Variants in PPDPFL observed in about 807,000 individuals in gnomAD.
The protein encoded by PPDPFL is pancreatic progenitor cell differentiation and proliferation factor like.
Under a neutral mutation model 12.6 loss-of-function variants are expected in PPDPFL, and 12 were observed. The ratio of observed to expected loss-of-function variants is 0.95; its 90% CI spans 0.61 to 1.54. The LOEUF is 1.54. PPDPFL is among the 40% of genes most tolerant of loss of function. PPDPFL has a pLI of 0.00. For synonymous variants in PPDPFL, 24 were observed against 32.7 expected (o/e 0.73, Z 0.91); for missense variants, 114 against 96.0 (o/e 1.19, Z -0.78).
chr8:49,063,498 T>C (rs1159657341), intron 1 of PPDPFL, among the ~76,000 whole-genome samples: 4 of 152,090 alleles, frequency 2.6e-5, no homozygotes, highest in Non-Finnish European at 5.9e-5. Context: ...GGCAGGTGGA[T>C]CTCCTGAGCC....
intron 1 of PPDPFL, among the ~76,000 whole-genome samples, chr8:49,060,975 C>T (rs1458289322): frequency 6.6e-6 from 1 of 151,982 alleles, no homozygotes; most frequent in African/African-American, 2.4e-5. Context: ...GTAAACTCCC[C>T]CTACATAGTC....
intron 1 of PPDPFL, among the ~76,000 whole-genome samples, chr8:49,065,697 C>G (rs377093753): frequency 6.6e-6 from 1 of 152,144 alleles, no homozygotes; most frequent in Non-Finnish European, 1.5e-5. Flanking sequence ...ATGAGGCTGC[C>G]ACATTCAAGT....
Position 49,075,148 on chromosome 8 carries a change from C to G in PPDPFL, c.234-4C>G. 6.8e-6 allele frequency: 11 copies of G among 1,613,122 alleles called. No homozygotes were observed. Among genetic ancestry groups the G allele is most frequent in the Non-Finnish European group, 9.3e-6 (11 of 1,179,372 alleles). ...CCTCTCTGACTACTATAAAATCAAC[C>G]CAGATTACAGATGAGCACTTTGTAG... On this transcript the variant is annotated splice_polypyrimidine_tract_variant and splice_region_variant and intron_variant, in intron 4 of 4. Transcript: ENST00000522267.
chr8:49,060,307 T>G (rs941922771), intron 1 of PPDPFL, among the ~76,000 whole-genome samples: 2 of 152,008 alleles, frequency 1.3e-5, no homozygotes, highest in Non-Finnish European at 2.9e-5. Context: ...TCTCTGTTTT[T>G]TGTTTGTTTG....
At chr8:49,055,762 C>G (rs754925214) in intron 1 of PPDPFL, among the ~76,000 whole-genome samples, 2 of 151,962 alleles carry the variant, frequency 1.3e-5, no homozygotes, top group Admixed American at 6.6e-5. Flanking sequence ...CCATGGCATA[C>G]AAGAAAGACA....
chr8:49,069,196 A>T (rs1157634826), upstream of PPDPFL, among the ~76,000 whole-genome samples: 1 of 152,216 alleles, frequency 6.6e-6, no homozygotes, highest in African/African-American at 2.4e-5. Context: ...AAACTTCAAA[A>T]TTCATAAAAC....
At chr8:49,060,530 C>G (rs1353991716) in intron 1 of PPDPFL, among the ~76,000 whole-genome samples, 1 of 152,124 alleles carries the variant, frequency 6.6e-6, no homozygotes, top group African/African-American at 2.4e-5. Context: ...TCAGGCTGGT[C>G]TCGAACTCCT....
At chr8:49,072,012 A>G (rs1464536115), upstream of PPDPFL, among the ~76,000 whole-genome samples, 2 of 152,210 alleles carry the variant, frequency 1.3e-5, no homozygotes, top group African/African-American at 4.8e-5. Flanking sequence ...ACACGTGCCC[A>G]GCGTGGTGCT....
chr8:49,067,395 C>T (rs1209882644), upstream of PPDPFL, among the ~76,000 whole-genome samples: 2 of 152,220 alleles, frequency 1.3e-5, no homozygotes, highest in African/African-American at 2.4e-5. Flanking sequence ...TATCATGACA[C>T]ACTTAAAATT....
chr8:49,056,306 C>T (rs1808111126), intron 1 of PPDPFL, among the ~76,000 whole-genome samples: 1 of 152,142 alleles, frequency 6.6e-6, no homozygotes, highest in African/African-American at 2.4e-5. Context: ...GAACTTTCCT[C>T]ACATTGATAT....
chr8:49,056,925 C>A (rs1808120021), intron 1 of PPDPFL, among the ~76,000 whole-genome samples: 1 of 152,118 alleles, frequency 6.6e-6, no homozygotes, highest in Admixed American at 6.5e-5. Flanking sequence ...CCATACCTTG[C>A]AAAATTTTTC....
upstream of PPDPFL, among the ~76,000 whole-genome samples, chr8:49,071,524 C>T (rs1469166357): frequency 2.0e-5 from 3 of 152,054 alleles, no homozygotes; most frequent in Non-Finnish European, 2.9e-5. Context: ...GGCATGGTAG[C>T]GCGTGCCTGT....
chr8:49,055,293 CAA>C (rs1808095770), intron 1 of PPDPFL, among the ~76,000 whole-genome samples: 1 of 152,152 alleles, frequency 6.6e-6, no homozygotes, highest in African/African-American at 2.4e-5. Context: ...TACTGTACAT[CAA>C]AGGTTTCTGC....
Position 49,072,895 on chromosome 8 carries a change from A to C in PPDPFL, c.55+10A>C, listed in dbSNP as rs1266071576. On this transcript the variant is annotated intron_variant, in intron 2 of 4. Transcript: ENST00000522267. ...AATCAGTATTATCGAAGTAAGTTGCATCATCATAGAGACGTCCCTAGATAA... is the reference window on the plus strand; with the variant it reads ...AATCAGTATTATCGAAGTAAGTTGCCTCATCATAGAGACGTCCCTAGATAA... 1.2e-6 allele frequency: 2 copies of C among 1,602,178 alleles called. No homozygotes were observed. The highest frequency in any genetic ancestry group is 2.7e-5 in the African/African-American group (2 of 74,388).
intron 4 of PPDPFL, chr8:49,074,594 T>C: frequency 6.5e-7 from 1 of 1,536,072 alleles, no homozygotes; most frequent in Non-Finnish European, 8.7e-7. Flanking sequence ...TGTGTCATTG[T>C]TTGGCGGGGG....
chr8:49,071,727 C>T (rs1585675404), upstream of PPDPFL, among the ~76,000 whole-genome samples: 3 of 152,096 alleles, frequency 2.0e-5, no homozygotes, highest in East Asian at 3.8e-4. Context: ...TAAAATTTAG[C>T]TTTTGTATCA....
intron 1 of PPDPFL, among the ~76,000 whole-genome samples, chr8:49,062,148 A>T (rs890951301): frequency 6.6e-6 from 1 of 152,202 alleles, no homozygotes; most frequent in Non-Finnish European, 1.5e-5. Flanking sequence ...AGCAGGGCTT[A>T]GCTAAATGCA....
chr8:49,065,468 C>A (rs1808279842), intron 1 of PPDPFL, among the ~76,000 whole-genome samples: 2 of 152,058 alleles, frequency 1.3e-5, no homozygotes, highest in African/African-American at 2.4e-5. Context: ...AGATGCAGGG[C>A]AGAGGAGAGA....
chr8:49,074,140 C>G lies in PPDPFL; in HGVS notation c.133+4C>G. The G allele has an allele frequency of 6.2e-7, 1 of 1,610,604 alleles. No homozygotes were observed. Among genetic ancestry groups the G allele is most frequent in the Non-Finnish European group, 8.5e-7 (1 of 1,176,952 alleles). On this transcript the variant is annotated splice_donor_region_variant and intron_variant, in intron 3 of 4. Transcript: ENST00000522267. ...GATGACGACAAACCACAGCAAGGTA[C>G]TTAGTTATTTCTTTCAGTGTCATCC...
Sources: gnomAD v4.1 joint callset for allele counts (sites outside exome capture counted in the v4.1 genomes callset) on GRCh38, gnomAD v4.1.1 for gene constraint, MANE v1.5 for transcripts, NCBI Gene and HGNC (gene_info 2026-07-23, HGNC 2026-07-21) for gene names.